Variants in PPA2 observed in about 807,000 individuals in gnomAD.
PPA2 encodes the protein inorganic pyrophosphatase 2, also known as inorganic pyrophosphatase 2, mitochondrial.
PPA2 carries 48 observed loss-of-function variants against 49.5 expected under a neutral mutation model. That is an observed-to-expected ratio of 0.97 (90% CI 0.77 to 1.23). The LOEUF is 1.23. PPA2 is among the 50% of genes most tolerant of loss of function. PPA2 has a pLI of 0.00. For synonymous variants in PPA2, 131 were observed against 139.9 expected, an observed-to-expected ratio of 0.94 and a Z score of 0.45; for missense variants, 429 against 410.1, an observed-to-expected ratio of 1.05 and a Z score of -0.40.
chr4:105,472,698 C>G (rs1008702146), intron 1 of PPA2, among the ~76,000 whole-genome samples: 1 of 152,116 alleles, frequency 6.6e-6, no homozygotes, highest in Non-Finnish European at 1.5e-5. Context: ...AATAGAAATT[C>G]TAGTACTAGT....
chr4:105,442,172 C>T (rs1724402625), intron 5 of PPA2, among the ~76,000 whole-genome samples: 1 of 152,110 alleles, frequency 6.6e-6, no homozygotes, highest in Non-Finnish European at 1.5e-5. Context: ...CTATGCTTTC[C>T]CAGCTTTAAT....
chr4:105,399,194 G>T, intron 7 of PPA2, 30 bp from the exon 8 acceptor site: 2 of 1,571,256 alleles, frequency 1.3e-6, no homozygotes, highest in Non-Finnish European at 1.7e-6. Context: ...AAGATGTTTT[G>T]TTAAGAACCA....
rs1560637285 is a variant in PPA2 at position 105,450,598 on chromosome 4, A to ATTTTTTTTTT, written c.268-1196_268-1195insAAAAAAAAAA. Among the ~76,000 whole-genome samples the ATTTTTTTTTT allele has an allele frequency of 9.5e-5, 6 of 63,318 alleles. 1 individual carries two copies. The highest frequency in any genetic ancestry group is 1.1e-4 in the African/African-American group (2 of 18,792). The allele number at this position is 63,318 out of a possible 152,430, so 41.5% of individuals were successfully genotyped here. A position where few individuals can be genotyped will look rare whatever the true frequency, so the allele number is the denominator to read the frequency against. The stretch of plus-strand genomic sequence containing the variant: ...ACTATGCTGGCCAGGCTGGTCTGGA[A>ATTTTTTTTTT]TTCTTTTTTTTTTTTTTTTTTTTTT... On this transcript the variant is annotated intron_variant, in intron 3 of 11. Transcript: ENST00000341695.
intron 1 of PPA2, chr4:105,473,340 C>A: frequency 3.5e-6 from 1 of 286,396 alleles, no homozygotes; most frequent in South Asian, 2.8e-5. Context: ...TTGTGCGTAC[C>A]AAGTCAAGCT....
chr4:105,428,246 C>T (rs1292387296), intron 6 of PPA2, among the ~76,000 whole-genome samples: 3 of 152,100 alleles, frequency 2.0e-5, no homozygotes, highest in East Asian at 1.9e-4. Context: ...TGCAAAGACA[C>T]GCCAAATTGT....
intron 7 of PPA2, among the ~76,000 whole-genome samples, chr4:105,412,308 T>A (rs1722799244): frequency 2.0e-5 from 3 of 152,106 alleles, no homozygotes; most frequent in African/African-American, 4.8e-5. Context: ...AACCATCTGA[T>A]CCTTGAAAAA....
intron 7 of PPA2, among the ~76,000 whole-genome samples, chr4:105,415,575 G>C (rs1004756955): frequency 2.6e-5 from 4 of 152,234 alleles, no homozygotes; most frequent in African/African-American, 9.6e-5. Flanking sequence ...GCCCCCGAGA[G>C]TGCAGGGATG....
At chr4:105,452,439 T>G (rs544863403) in intron 3 of PPA2, among the ~76,000 whole-genome samples, 2 of 152,316 alleles carry the variant, frequency 1.3e-5, no homozygotes, top group South Asian at 4.1e-4. Context: ...GTGAAATACC[T>G]AGATTAACCA....
intron 7 of PPA2, among the ~76,000 whole-genome samples, chr4:105,414,260 A>T (rs1217290234): frequency 6.6e-6 from 1 of 152,226 alleles, no homozygotes; most frequent in Non-Finnish European, 1.5e-5. Flanking sequence ...ATATCTAGTA[A>T]AATTTTGAAA....
At chr4:105,423,963 AAAGGAAGAGG>A (rs1270841213) in intron 7 of PPA2, among the ~76,000 whole-genome samples, 1 of 152,134 alleles carries the variant, frequency 6.6e-6, no homozygotes, top group Non-Finnish European at 1.5e-5. Flanking sequence ...GGAAGGAGTG[AAAGGAAGAGG>A]AAGAAAGTGA....
intron 6 of PPA2, among the ~76,000 whole-genome samples, chr4:105,430,965 C>T (rs145803427): frequency 1.3e-5 from 2 of 152,160 alleles, no homozygotes; most frequent in East Asian, 1.9e-4. Context: ...TAATTTTTGC[C>T]TGAGATCACA....
At chr4:105,436,687 T>C (rs1724071143) in intron 6 of PPA2, among the ~76,000 whole-genome samples, 1 of 152,080 alleles carries the variant, frequency 6.6e-6, no homozygotes, top group Non-Finnish European at 1.5e-5. Flanking sequence ...TATAACCAAC[T>C]GATCTTCAAC....
rs1473321659 is a variant in PPA2 at position 105,438,043 on chromosome 4, T to C, written c.442-7A>G. The C allele has an allele frequency of 1.5e-6, 2 of 1,294,238 alleles. No homozygotes were observed. The highest frequency in any genetic ancestry group is 1.1e-6 in the Non-Finnish European group (1 of 935,212). 80.2% of individuals were successfully genotyped at this position (1,294,238 alleles called of 1,614,324 possible). ...CATGGGGATCTTCCCAAGTCTAAAA[T>C]TTTTTTTTTAAAAAAAAGCAGAAAT... On this transcript the variant is annotated splice_polypyrimidine_tract_variant and splice_region_variant and intron_variant, in intron 5 of 11. Transcript: ENST00000341695.
At chr4:105,437,788 C>G (rs1279320540) in intron 6 of PPA2, among the ~76,000 whole-genome samples, 162 bp downstream of exon 6, 1 of 152,008 alleles carries the variant, frequency 6.6e-6, no homozygotes, top group Non-Finnish European at 1.5e-5. Context: ...TTTACCAACC[C>G]CTGGTTTAAG....
rs376003705 is a variant in PPA2, at chr4:105,474,026, G to A, written c.25C>T (p.Arg9Cys). 5.9e-4 allele frequency: 934 copies of A among 1,591,306 alleles called. No individual in the cohort carries two copies. The highest frequency in any genetic ancestry group is 7.5e-4 in the Non-Finnish European group (879 of 1,168,946). Residue 9 changes from arginine (R) to cysteine (C), a missense_variant, in exon 1 of 12, where the codon CGC (arginine) becomes TGC (cysteine). By Grantham distance (180) the Arg-to-Cys change is radical. Transcript: ENST00000341695. ...CACGCAGCGGCTGGGGCACCCGTGC[G>A]CAGCAGCCGCAGCAGCGCGCTCATG... MSALLRLL[R>C]TGAPAAACLR...
At chr4:105,473,744 G>A in intron 1 of PPA2, 150 bp downstream of exon 1, 7 of 1,160,330 alleles carry the variant, frequency 6.0e-6, no homozygotes, top group Non-Finnish European at 9.0e-6. Flanking sequence ...GCTCCCGCGG[G>A]AAGTAAGGTG....
At chr4:105,380,168 G>T (rs1733429831) in intron 10 of PPA2, among the ~76,000 whole-genome samples, 1 of 150,530 alleles carries the variant, frequency 6.6e-6, no homozygotes, top group South Asian at 2.2e-4. Flanking sequence ...TTTATAGAAA[G>T]GTTTTTAAGT....
At chr4:105,441,691 A>G (rs1442517471) in intron 5 of PPA2, among the ~76,000 whole-genome samples, 1 of 152,166 alleles carries the variant, frequency 6.6e-6, no homozygotes, top group Non-Finnish European at 1.5e-5. Flanking sequence ...CAAACAACCT[A>G]TCAACAGGAA....
At chr4:105,404,140 T>C (rs1722346929) in intron 7 of PPA2, among the ~76,000 whole-genome samples, 1 of 151,830 alleles carries the variant, frequency 6.6e-6, no homozygotes, top group Admixed American at 6.6e-5. Flanking sequence ...CTATTTAATC[T>C]AGAGACATAT....
Sources: gnomAD v4.1 joint callset for allele counts (sites outside exome capture counted in the v4.1 genomes callset) on GRCh38, gnomAD v4.1.1 for gene constraint, MANE v1.5 for transcripts, NCBI Gene and HGNC (gene_info 2026-07-23, HGNC 2026-07-21) for gene names.